The following CHD9 variants were observed in gnomAD, a reference collection of about 807,000 sequenced individuals.
CHD9 encodes the protein ATP-dependent chromatin remodeler CHD9.
In CHD9, 77 loss-of-function variants were observed where a neutral mutation model predicts 316.1. The ratio of observed to expected loss-of-function variants is 0.24; its 90% CI spans 0.20 to 0.29. The LOEUF (loss-of-function observed/expected upper bound fraction) is 0.29. Among genes scored for constraint, CHD9 ranks in the 10% least tolerant of loss-of-function variants. The probability of loss-of-function intolerance (pLI) is 1.00; values close to 1 mark genes in which losing one functional copy is unlikely to be tolerated. For synonymous variants in CHD9, 1,129 were observed against 1,158.3 expected, an observed-to-expected ratio of 0.97 and a Z score of 0.51; for missense variants, 2,763 against 3,438.1, an observed-to-expected ratio of 0.80 and a Z score of 4.91.
chr16:53,124,592 C>A (rs1027849338), intron 1 of CHD9, among the ~76,000 whole-genome samples: 6 of 150,610 alleles, frequency 4.0e-5, no homozygotes, highest in African/African-American at 1.5e-4. Flanking sequence ...AATTCTCCTG[C>A]CTCAGCCTCC....
At position 53,066,989 on chromosome 16, in the gene CHD9, GT is replaced by G. The variant is rs571266845; in HGVS notation, c.-165+11913del. Among the ~76,000 whole-genome samples, 357 of 152,188 alleles carry G rather than the reference GT, an allele frequency of 2.3e-3. 3 individuals are homozygous for G. Among genetic ancestry groups the G allele is most frequent in the African/African-American group, 8.3e-3 (344 of 41,500 alleles). ...GACAAGGTCTCTCTCTGTCACCCAG[GT>G]GAAGTGCAATGGTGCGATCTTGGCT... On this transcript the variant is annotated intron_variant, in intron 1 of 38. Coordinates refer to ENST00000447540, the MANE Select transcript of CHD9 (RefSeq NM_001308319.2).
At chr16:53,232,887 AT>A (rs2048302871) in intron 10 of CHD9, among the ~76,000 whole-genome samples, 3 of 152,304 alleles carry the variant, frequency 2.0e-5, no homozygotes, top group Admixed American at 1.3e-4. Flanking sequence ...TCCATGTACA[AT>A]TACTATACAC....
intron 12 of CHD9, 30 bp downstream of exon 12, chr16:53,238,616 T>G: frequency 6.2e-7 from 1 of 1,607,744 alleles, no homozygotes; most frequent in Non-Finnish European, 8.5e-7. Flanking sequence ...GTTTGTTGTT[T>G]GAAAGGTCAG....
Position 53,209,712 on chromosome 16 carries a change from A to C in CHD9, c.1683A>C (p.Gly561=). Residue 561 remains glycine (G), a synonymous_variant, in exon 3 of 39, where the codon GGA becomes GGC. Coordinates refer to ENST00000447540, the MANE Select transcript of CHD9 (RefSeq NM_001308319.2). ...ACTTTCCTACTGCTTCAGTTGAAGG[A>C]AAAGAGGAAAAGAAAGGTAGAAGGA... The part of the protein sequence containing the change: ...PENFPTASVE[G]KEEKKGRRMK... 6.2e-7 allele frequency: 1 copy of C among 1,613,918 alleles called. No individual in the cohort carries two copies.
intron 20 of CHD9, among the ~76,000 whole-genome samples, chr16:53,264,169 T>C (rs2051416789): frequency 6.6e-6 from 1 of 152,102 alleles, no homozygotes; most frequent in African/African-American, 2.4e-5. Flanking sequence ...TTTGTAAACA[T>C]AGAAATGTTA....
At chr16:53,185,006 C>A (rs761979803) in intron 2 of CHD9, among the ~76,000 whole-genome samples, 1 of 152,216 alleles carries the variant, frequency 6.6e-6, no homozygotes, top group Non-Finnish European at 1.5e-5. Flanking sequence ...GTCAACTAAA[C>A]CTCTTTCCTT....
intron 27 of CHD9, 86 bp downstream of exon 27, chr16:53,288,100 GT>G: frequency 9.9e-7 from 1 of 1,006,134 alleles, no homozygotes; most frequent in Non-Finnish European, 1.6e-6. Context: ...ATTATATTTT[GT>G]TTTCATTATA....
At chr16:53,097,051 G>C (rs1319961121) in intron 1 of CHD9, among the ~76,000 whole-genome samples, 2 of 152,150 alleles carry the variant, frequency 1.3e-5, no homozygotes, top group Middle Eastern at 3.4e-3. Flanking sequence ...CTGCCACATT[G>C]GGGATTAAAG....
chr16:53,244,246 G>T (rs1329694409), intron 13 of CHD9, among the ~76,000 whole-genome samples: 3 of 144,706 alleles, frequency 2.1e-5, no homozygotes, highest in Non-Finnish European at 4.5e-5. Flanking sequence ...AGGCTGGAGT[G>T]CAGTGGCATG....
At chr16:53,235,379 CTGT>C in intron 11 of CHD9, 73 bp downstream of exon 11, 1 of 1,055,622 alleles carries the variant, frequency 9.5e-7, no homozygotes, top group Non-Finnish European at 1.3e-6. Flanking sequence ...AAAATAGATA[CTGT>C]TGTTGCTATA....
intron 1 of CHD9, among the ~76,000 whole-genome samples, chr16:53,094,607 A>T (rs557102528): frequency 6.7e-6 from 1 of 149,404 alleles, no homozygotes; most frequent in African/African-American, 2.5e-5. Context: ...GGTACTTCAT[A>T]CCAGTCCCAA....
At chr16:53,165,185 A>T (rs1013739037) in intron 2 of CHD9, among the ~76,000 whole-genome samples, 38 of 152,316 alleles carry the variant, frequency 2.5e-4, no homozygotes, top group Non-Finnish European at 1.3e-4. Context: ...TCACAGAAAG[A>T]ATTTCTGTAG....
At chr16:53,259,267 A>G (rs1033738827) in intron 19 of CHD9, among the ~76,000 whole-genome samples, 1 of 152,184 alleles carries the variant, frequency 6.6e-6, no homozygotes, top group Admixed American at 6.5e-5. Flanking sequence ...TGTAAATTAA[A>G]TTTATCATTT....
rs1345295286 is a variant in CHD9 at position 53,247,338 on chromosome 16, C to T, written c.3500C>T (p.Pro1167Leu). 1.2e-6 allele frequency: 2 copies of T among 1,605,820 alleles called. No homozygotes were observed. The highest frequency in any genetic ancestry group is 1.7e-6 in the Non-Finnish European group (2 of 1,175,574). Reference protein sequence around the residue: ...ILGEFRDTYNPAASDFHLQAM... With the variant: ...ILGEFRDTYNLAASDFHLQAM... ...GGAGAATTTAGAGATACTTACAATC[C>T]AGCTGCTTCTGATTTTCATCTTCAA... Residue 1167 changes from proline to leucine, a missense_variant, in exon 16 of 39, where the codon CCA (proline) becomes CTA (leucine). Around this residue, in one of 15 missense-constraint regions of CHD9, gnomAD observed 155 missense variants for 291.8 expected, o/e 0.53. Transcript: ENST00000447540.
chr16:53,251,067 T>C (rs2050087521), intron 17 of CHD9, among the ~76,000 whole-genome samples: 1 of 152,218 alleles, frequency 6.6e-6, no homozygotes, highest in African/African-American at 2.4e-5. Context: ...CCAAAATTAA[T>C]AAGCCAGAGA....
intron 3 of CHD9, among the ~76,000 whole-genome samples, chr16:53,217,826 G>A (rs958285292): frequency 1.3e-5 from 2 of 151,832 alleles, no homozygotes; most frequent in East Asian, 1.9e-4. Context: ...GGCTGGCCTC[G>A]AACTCCTAGG....
chr16:53,134,017 T>A (rs1171855446), intron 1 of CHD9, among the ~76,000 whole-genome samples: 3 of 152,156 alleles, frequency 2.0e-5, no homozygotes, highest in Admixed American at 1.3e-4. Context: ...TAAAGATGTG[T>A]TTATTGATCG....
intron 1 of CHD9, among the ~76,000 whole-genome samples, chr16:53,086,500 A>T (rs934587542): frequency 5.9e-5 from 9 of 152,142 alleles, no homozygotes; most frequent in African/African-American, 2.2e-4. Context: ...CCCGCCCCAG[A>T]CTAACCTTGG....
At chr16:53,306,189 CTATTT>C (rs773254959) in intron 31 of CHD9, 43 bp from the exon 32 acceptor site, 30 of 1,137,194 alleles carry the variant, frequency 2.6e-5, no homozygotes, top group Non-Finnish European at 3.2e-5. Flanking sequence ...ATATATAAAA[CTATTT>C]TATGTAGTCT....
Sources: gnomAD v4.1 joint callset for allele counts (sites outside exome capture counted in the v4.1 genomes callset) on GRCh38, gnomAD v4.1.1 for gene constraint, gnomAD v4.1.1 regional missense constraint, MANE v1.5 for transcripts, NCBI Gene and HGNC (gene_info 2026-07-23, HGNC 2026-07-21) for gene names.